The following ZNF91 variants were observed in gnomAD, a reference collection of about 807,000 sequenced individuals.
ZNF91 encodes the protein zinc finger protein 91, also known as zinc finger protein 91 (HPF7, HTF10).
In ZNF91, 7 loss-of-function variants were observed where a neutral mutation model predicts 12.6. That is an observed-to-expected ratio of 0.55 (90% CI 0.31 to 1.04). ZNF91 has a LOEUF of 1.04. Ranked by LOEUF, ZNF91 falls within the 50% of genes least tolerant of loss-of-function variation. ZNF91 has a pLI of 0.05. For missense variants in ZNF91, 1,217 were observed against 1,385.4 expected (o/e 0.88, Z 1.93); for synonymous variants, 453 against 462.6 (o/e 0.98, Z 0.27).
At chr19:23,318,956 T>C (rs1967626931) in intron 1 of ZNF91, among the ~76,000 whole-genome samples, 1 of 152,192 alleles carries the variant, frequency 6.6e-6, no homozygotes, top group Non-Finnish European at 1.5e-5. Context: ...ATCACTGTTG[T>C]AATTTTGACA....
chr19:23,309,601 C>T (rs1967441356), intron 1 of ZNF91, among the ~76,000 whole-genome samples: 1 of 152,020 alleles, frequency 6.6e-6, no homozygotes, highest in Admixed American at 6.6e-5. Flanking sequence ...TGATGTGACT[C>T]TTCTGTTTGC....
chr19:23,381,481 G>A, intron 1 of ZNF91, among the ~76,000 whole-genome samples: 1 of 136,256 alleles, frequency 7.3e-6, no homozygotes, highest in Non-Finnish European at 1.6e-5. Flanking sequence ...TTTTTTTTGA[G>A]ACTGAGTTTT....
chr19:23,334,342 G>A (rs1293435722), downstream of ZNF91, among the ~76,000 whole-genome samples: 1 of 152,082 alleles, frequency 6.6e-6, no homozygotes, highest in Non-Finnish European at 1.5e-5. Context: ...AAATGTTTTG[G>A]AGCAGGGCTG....
intron 1 of ZNF91, among the ~76,000 whole-genome samples, chr19:23,316,093 C>A: frequency 6.6e-6 from 1 of 151,954 alleles, no homozygotes; most frequent in Non-Finnish European, 1.5e-5. Flanking sequence ...AGATGTGACA[C>A]ATTTTTGTTG....
chr19:23,314,652 C>T (rs1463026375), upstream of ZNF91, among the ~76,000 whole-genome samples: 1 of 152,142 alleles, frequency 6.6e-6, no homozygotes, highest in Non-Finnish European at 1.5e-5. Flanking sequence ...CTCTTTTCTT[C>T]ATCCTGAGGC....
At chr19:23,374,190 C>A (rs912296576) in intron 2 of ZNF91, among the ~76,000 whole-genome samples, 1 of 151,912 alleles carries the variant, frequency 6.6e-6, no homozygotes, top group Admixed American at 6.6e-5. Flanking sequence ...TGAGGAAATT[C>A]TTTTCTAAAC....
chr19:23,310,103 C>T (rs551507192), intron 1 of ZNF91, among the ~76,000 whole-genome samples: 11 of 152,026 alleles, frequency 7.2e-5, no homozygotes, highest in Non-Finnish European at 1.6e-4. Flanking sequence ...CATACCTGGG[C>T]TTAAAGCTAC....
chr19:23,364,553 A>C (rs768768481), intron 3 of ZNF91, among the ~76,000 whole-genome samples: 2 of 151,404 alleles, frequency 1.3e-5, no homozygotes, highest in Non-Finnish European at 2.9e-5. Flanking sequence ...TAATATGACT[A>C]AATTAAATAT....
chr19:23,394,909 T>C (rs1970182233), intron 1 of ZNF91, among the ~76,000 whole-genome samples: 1 of 152,220 alleles, frequency 6.6e-6, no homozygotes, highest in Non-Finnish European at 1.5e-5. Context: ...TTTAATCTTT[T>C]CGCGGTGACG....
chr19:23,369,350 GCCCCCA>G lies in ZNF91; in HGVS notation c.253+4386_253+4391del, dbSNP rs889378275. 2.0e-4 allele frequency among the ~76,000 whole-genome samples: 30 copies of G among 150,472 alleles called. No homozygotes were observed. The East Asian group carries it at 5.7e-3, about 29-fold the overall frequency. ...ACGCCCGGGAGGGAGGTGGGGGGCA[GCCCCCA>G]CCCGGCCAGCCGCCCCGTCCGGGAG... On this transcript the variant is annotated intron_variant, in intron 3 of 3. Transcript: ENST00000300619.
At chr19:23,321,401 G>A (rs377716067) in intron 1 of ZNF91, among the ~76,000 whole-genome samples, 16 of 152,258 alleles carry the variant, frequency 1.1e-4, no homozygotes, top group Admixed American at 5.2e-4. Context: ...ACACTTAGGC[G>A]ATGTGACTCT....
At chr19:23,384,526 CA>C (rs1969813035) in intron 1 of ZNF91, 2 of 1,130,074 alleles carry the variant, frequency 1.8e-6, no homozygotes, top group Non-Finnish European at 2.3e-6. Flanking sequence ...TCTCAAATTC[CA>C]AAATGCCAGC....
intron 1 of ZNF91, among the ~76,000 whole-genome samples, chr19:23,389,325 C>G (rs1168085955): frequency 4.0e-5 from 6 of 150,974 alleles, no homozygotes; most frequent in Non-Finnish European, 1.5e-5. Context: ...GTGGACAAAA[C>G]AGCCTGCTGC....
chr19:23,333,969 T>C (rs371565709), downstream of ZNF91, among the ~76,000 whole-genome samples: 27 of 152,210 alleles, frequency 1.8e-4, no homozygotes, highest in Middle Eastern at 3.4e-3. Flanking sequence ...ACTATAAAGA[T>C]TGATATAATA....
intron 1 of ZNF91, chr19:23,385,005 G>T: frequency 8.2e-7 from 1 of 1,213,592 alleles, no homozygotes; most frequent in Non-Finnish European, 1.2e-6. Flanking sequence ...AAAGCAGTCT[G>T]TTGGAGAACG....
At chr19:23,372,445 G>C (rs1214692471) in intron 3 of ZNF91, among the ~76,000 whole-genome samples, 1 of 152,166 alleles carries the variant, frequency 6.6e-6, no homozygotes, top group African/African-American at 2.4e-5. Flanking sequence ...GCCTTTAAGA[G>C]AGCTCTGAGA....
chr19:23,321,328 G>GT (rs1193788357), intron 1 of ZNF91, among the ~76,000 whole-genome samples: 3 of 152,112 alleles, frequency 2.0e-5, no homozygotes, highest in African/African-American at 4.8e-5. Context: ...CTCAGGTGAC[G>GT]TAAGTTTTCT....
chr19:23,319,969 G>A (rs1183904104), intron 1 of ZNF91, among the ~76,000 whole-genome samples: 7 of 152,118 alleles, frequency 4.6e-5, no homozygotes, highest in Admixed American at 3.9e-4. Flanking sequence ...CCACTCTCTT[G>A]CATGTTGTAT....
upstream of ZNF91, among the ~76,000 whole-genome samples, chr19:23,314,710 G>C (rs1434881538): frequency 6.6e-6 from 1 of 152,148 alleles, no homozygotes; most frequent in Non-Finnish European, 1.5e-5. Context: ...CTCCCCAGAT[G>C]ACGTAACTCT....
Sources: allele counts gnomAD v4.1 joint callset (sites outside exome capture counted in the v4.1 genomes callset), GRCh38; gene constraint gnomAD v4.1.1; transcripts MANE v1.5; gene names NCBI Gene and HGNC (gene_info 2026-07-23, HGNC 2026-07-21).